GTF2IRD1: variants seen among roughly 807,000 people sequenced by gnomAD.
GTF2IRD1 encodes general transcription factor II-I repeat domain-containing protein 1.
A neutral mutation model predicts 113.2 loss-of-function variants in GTF2IRD1; 26 were observed. The observed-to-expected ratio is 0.23, with a 90% CI of 0.17 to 0.32. The LOEUF is 0.32. Among genes scored for constraint, GTF2IRD1 ranks in the 10% least tolerant of loss-of-function variants. GTF2IRD1 has a pLI of 1.00. For missense variants in GTF2IRD1, 864 were observed against 1,280.8 expected, an observed-to-expected ratio of 0.67 and a Z score of 4.97; for synonymous variants, 484 against 529.1, an observed-to-expected ratio of 0.91 and a Z score of 1.17.
intron 22 of GTF2IRD1, among the ~76,000 whole-genome samples, chr7:74,561,532 T>TGGC (rs1289487519): frequency 1.4e-5 from 2 of 147,102 alleles, no homozygotes; most frequent in African/African-American, 5.1e-5. Flanking sequence ...AGGGTGGGTT[T>TGGC]GGCGGGGTGA....
chr7:74,470,685 G>C (rs1218866051), intron 1 of GTF2IRD1, among the ~76,000 whole-genome samples: 2 of 152,172 alleles, frequency 1.3e-5, no homozygotes, highest in African/African-American at 2.4e-5. Flanking sequence ...TGGAATATTA[G>C]TTAGCAGTGA....
chr7:74,576,720 A>G (rs1465181362), intron 22 of GTF2IRD1, among the ~76,000 whole-genome samples: 1 of 133,344 alleles, frequency 7.5e-6, no homozygotes, highest in Non-Finnish European at 1.5e-5. Flanking sequence ...TTCCAGGTTC[A>G]AGCAATTCTC....
chr7:74,560,476 TAAA>T (rs1401829035), intron 22 of GTF2IRD1, among the ~76,000 whole-genome samples: 1 of 146,414 alleles, frequency 6.8e-6, no homozygotes, highest in East Asian at 2.0e-4. Flanking sequence ...ATATACATAA[TAAA>T]AAATATATAT....
chr7:74,543,872 CAAAAAAA>C (rs782039486), intron 14 of GTF2IRD1, among the ~76,000 whole-genome samples: 16 of 34,574 alleles, frequency 4.6e-4, no homozygotes, highest in South Asian at 1.1e-3. Context: ...CCCATCTCTA[CAAAAAAA>C]AAAAAAAAAA....
chr7:74,504,713 T>C (rs1315429014), intron 1 of GTF2IRD1, among the ~76,000 whole-genome samples: 1 of 149,602 alleles, frequency 6.7e-6, no homozygotes, highest in Non-Finnish European at 1.5e-5. Context: ...TACTTTTTTT[T>C]TTTTTTTTTT....
chr7:74,479,248 C>T (rs991971255), intron 1 of GTF2IRD1, among the ~76,000 whole-genome samples: 3 of 152,146 alleles, frequency 2.0e-5, no homozygotes, highest in African/African-American at 4.8e-5. Context: ...GCTGACCTTC[C>T]GAGATCCTTG....
chr7:74,550,551 C>T (rs782780847), intron 17 of GTF2IRD1, among the ~76,000 whole-genome samples: 1 of 151,854 alleles, frequency 6.6e-6, no homozygotes, highest in Non-Finnish European at 1.5e-5. Context: ...TGCACCACTG[C>T]ACTCTAGCCT....
At position 74,557,737 on chromosome 7, in the gene GTF2IRD1, A is replaced by AC; in HGVS notation, c.2107+20dup. On this transcript the variant is annotated intron_variant, in intron 20 of 26. Transcript: ENST00000424337. The stretch of plus-strand genomic sequence containing the variant: ...TAAGAAATACGGTAAGCAGTGCAGA[A>AC]CCCCCGGGGAGGGACACGCAGCTGC... The AC allele has an allele frequency of 6.5e-7, 1 of 1,533,324 alleles. No homozygotes were observed. The highest frequency in any genetic ancestry group is 9.0e-7 in the Non-Finnish European group (1 of 1,108,744). The allele number at this position is 1,533,324 out of a possible 1,614,324, so 95.0% of individuals were successfully genotyped here.
chr7:74,505,763 A>G (rs1554340895), intron 1 of GTF2IRD1, among the ~76,000 whole-genome samples: 4 of 152,022 alleles, frequency 2.6e-5, no homozygotes, highest in African/African-American at 9.7e-5. Context: ...AGGCAGGCAG[A>G]CCTCTCAGCT....
intron 16 of GTF2IRD1, among the ~76,000 whole-genome samples, chr7:74,546,657 G>A (rs1434691673): frequency 5.9e-5 from 9 of 152,210 alleles, no homozygotes; most frequent in Admixed American, 1.3e-4. Flanking sequence ...GATCGGGTTC[G>A]TTCCAAGGCG....
chr7:74,464,065 T>C (rs1215926480), intron 1 of GTF2IRD1, among the ~76,000 whole-genome samples: 1 of 152,160 alleles, frequency 6.6e-6, no homozygotes, highest in Non-Finnish European at 1.5e-5. Flanking sequence ...GAGCTCTAAA[T>C]ACAGTTCTGG....
chr7:74,495,153 AG>A (rs1795582908), intron 1 of GTF2IRD1, among the ~76,000 whole-genome samples: 1 of 152,234 alleles, frequency 6.6e-6, no homozygotes, highest in African/African-American at 2.4e-5. Flanking sequence ...GCTGGATTCC[AG>A]GGGTCTGAGT....
intron 26 of GTF2IRD1, chr7:74,601,847 G>T (rs1802786193): frequency 5.8e-6 from 1 of 171,128 alleles, no homozygotes; most frequent in Non-Finnish European, 1.3e-5. Context: ...GGAGGCTGGG[G>T]CAGGAGGATC....
At chr7:74,489,974 T>TTG (rs1445674676) in intron 1 of GTF2IRD1, among the ~76,000 whole-genome samples, 7 of 151,844 alleles carry the variant, frequency 4.6e-5, no homozygotes, top group African/African-American at 9.6e-5. Context: ...CAGATTTTTT[T>TTG]TGTGTGTGTG....
chr7:74,541,915 GAT>G (rs2130617016), intron 14 of GTF2IRD1, among the ~76,000 whole-genome samples: 1 of 72,854 alleles, frequency 1.4e-5, no homozygotes, highest in South Asian at 3.4e-4. Context: ...TAACTAAATA[GAT>G]AGATAGATAG....
intron 14 of GTF2IRD1, among the ~76,000 whole-genome samples, 200 bp downstream of exon 14, chr7:74,540,168 C>T (rs587713351): frequency 3.3e-5 from 5 of 152,172 alleles, no homozygotes; most frequent in South Asian, 2.1e-4. Flanking sequence ...TATTTAGAGA[C>T]GGAGTTTCAC....
At chr7:74,573,716 A>C (rs1436505552) in intron 22 of GTF2IRD1, among the ~76,000 whole-genome samples, 1 of 152,108 alleles carries the variant, frequency 6.6e-6, no homozygotes, top group Non-Finnish European at 1.5e-5. Context: ...GGTGTACCCG[A>C]TCCTTCCAGC....
At chr7:74,531,356 G>A (rs1276142869) in intron 9 of GTF2IRD1, among the ~76,000 whole-genome samples, 2 of 152,318 alleles carry the variant, frequency 1.3e-5, no homozygotes, top group Middle Eastern at 3.4e-3. Flanking sequence ...GGGTGACAGC[G>A]AGAATCCATC....
At chr7:74,533,494 C>T (rs1798096050) in intron 9 of GTF2IRD1, among the ~76,000 whole-genome samples, 2 of 152,304 alleles carry the variant, frequency 1.3e-5, no homozygotes, top group East Asian at 1.9e-4. Flanking sequence ...GGTGCCCAGC[C>T]TCCCCTCCTC....
Sources: allele counts gnomAD v4.1 joint callset (sites outside exome capture counted in the v4.1 genomes callset), GRCh38; gene constraint gnomAD v4.1.1; transcripts MANE v1.5; gene names NCBI Gene and HGNC (gene_info 2026-07-23, HGNC 2026-07-21).